The following IFT74 variants were observed in gnomAD, a reference collection of about 807,000 sequenced individuals.
IFT74 encodes intraflagellar transport protein 74 homolog.
In IFT74, 92 loss-of-function variants were observed where a neutral mutation model predicts 96.7. The observed-to-expected ratio is 0.95, with a 90% CI of 0.80 to 1.13. The LOEUF (loss-of-function observed/expected upper bound fraction) is 1.13, where lower values mean the gene tolerates loss of function less well. IFT74 is among the 50% of genes most tolerant of loss of function. IFT74 has a pLI of 0.00. For missense variants in IFT74, 811 were observed against 698.2 expected (o/e 1.16, Z -1.82); for synonymous variants, 223 against 213.2 (o/e 1.05, Z -0.40).
rs1827742725 is a variant in IFT74, at chr9:26,988,725, T to A, written c.522T>A (p.Asn174Lys). 1 of 1,533,654 alleles carries A rather than the reference T, an allele frequency of 6.5e-7. No individual in the cohort carries two copies. Among genetic ancestry groups the A allele is most frequent in the Non-Finnish European group, 8.9e-7 (1 of 1,125,476 alleles). The change falls in exon 7 of 20, where the codon AAT becomes AAA. Residue 174 changes from asparagine to lysine, a missense_variant. By Grantham distance (94) the Asn-to-Lys change is moderately conservative (BLOSUM62 0). Transcript: ENST00000380062. ...TGGAAGAAGTAATGAATGATTACAA[T>A]ATGGTAAGAAAATTTATAAAAGCAA... ...TEMEEVMNDY[N>K]MLKAQNDRET...
chr9:27,038,956 C>T (rs1487231790), intron 13 of IFT74, among the ~76,000 whole-genome samples: 1 of 152,102 alleles, frequency 6.6e-6, no homozygotes, highest in Non-Finnish European at 1.5e-5. Flanking sequence ...CAACTAAAGC[C>T]GTCTGTATTA....
upstream of IFT74, among the ~76,000 whole-genome samples, chr9:26,953,702 G>GT (rs1412376753): frequency 1.3e-5 from 2 of 149,128 alleles, no homozygotes; most frequent in Non-Finnish European, 3.0e-5. Context: ...GTAGGGGGGG[G>GT]GTCTCACTAT....
chr9:26,973,708 G>T (rs1826976392), intron 2 of IFT74, among the ~76,000 whole-genome samples: 1 of 152,064 alleles, frequency 6.6e-6, no homozygotes, highest in Non-Finnish European at 1.5e-5. Context: ...CAAGATTTTT[G>T]CCTTAAATCC....
chr9:27,060,329 A>C (rs565069103), intron 18 of IFT74, among the ~76,000 whole-genome samples: 45 of 152,230 alleles, frequency 3.0e-4, no homozygotes, highest in African/African-American at 7.2e-4. Context: ...ATTGTCTTTC[A>C]GTTGGCATGT....
rs778649742 is a variant in IFT74 at position 27,048,308 on chromosome 9, T to C, written c.1333+34T>C. The C allele has an allele frequency of 2.1e-6, 3 of 1,421,924 alleles. No homozygotes were observed. In the Admixed American group the frequency reaches 6.4e-5, roughly 30 times the overall value. The allele number at this position is 1,421,924 out of a possible 1,614,324, so 88.1% of individuals were successfully genotyped here. On this transcript the variant is annotated intron_variant, in intron 16 of 19. Transcript: ENST00000380062. ...ACAACCTAGATTTTAATATTCTTTTTTTTTAAAATATATCAATGTTATTCT... is the reference window on the plus strand; with the variant it reads ...ACAACCTAGATTTTAATATTCTTTTCTTTTAAAATATATCAATGTTATTCT...
chr9:27,062,278 A>C (rs1564012015), intron 19 of IFT74, among the ~76,000 whole-genome samples: 1 of 152,190 alleles, frequency 6.6e-6, no homozygotes. Context: ...GTGGTACTCT[A>C]GAGAACGTGG....
chr9:26,996,330 G>A (rs778748327), intron 8 of IFT74: 2 of 1,596,012 alleles, frequency 1.3e-6, no homozygotes, highest in South Asian at 1.1e-5. Flanking sequence ...TTGTTAAGTT[G>A]TTCGAAGAGC....
At position 26,969,354 on chromosome 9, in the gene IFT74, T is replaced by C. The variant is rs147943693; in HGVS notation, c.120+7267T>C. Among the ~76,000 whole-genome samples the C allele has an allele frequency of 5.1e-3, 780 of 152,112 alleles. 2 individuals are homozygous for C. The highest frequency in any genetic ancestry group is 0.027 in the Middle Eastern group (8 of 294). ...TCTTCTTGTCTTTTTTTTTAAACTG[T>C]TTTTGATTTGAAGATGTATGTATAG... is the stretch of plus-strand genomic sequence containing the variant. On this transcript the variant is annotated intron_variant, in intron 2 of 19. Transcript: ENST00000380062.
At chr9:27,013,357 A>G (rs913684181) in intron 10 of IFT74, among the ~76,000 whole-genome samples, 9 of 152,224 alleles carry the variant, frequency 5.9e-5, no homozygotes, top group African/African-American at 2.2e-4. Context: ...GGTTGTTTAT[A>G]GTTTTCCGGG....
At chr9:26,991,113 C>T (rs1312268729) in intron 8 of IFT74, among the ~76,000 whole-genome samples, 2 of 152,196 alleles carry the variant, frequency 1.3e-5, no homozygotes, top group Non-Finnish European at 2.9e-5. Flanking sequence ...AATACACTCT[C>T]TTGTTACCTC....
Position 26,948,809 on chromosome 9 carries a change from A to G in IFT74, c.-20+1663A>G, listed in dbSNP as rs140314367. Among the ~76,000 whole-genome samples, 336 of 151,582 alleles carry G rather than the reference A, an allele frequency of 2.2e-3. 1 individual carries two copies. The highest frequency in any genetic ancestry group is 7.2e-3 in the African/African-American group (299 of 41,332). On this transcript the variant is annotated intron_variant, in intron 1 of 19. Transcript: ENST00000433700. ...AGCATTACATAGGGCCTTTCACACA[A>G]TCTCCCTAATCTGTTTTACTAGATT...
chr9:27,031,122 A>C (rs1830099815), intron 13 of IFT74, among the ~76,000 whole-genome samples: 1 of 152,142 alleles, frequency 6.6e-6, no homozygotes, highest in Non-Finnish European at 1.5e-5. Context: ...CAGCCTTCCA[A>C]GTAGCCGGGA....
At chr9:26,951,970 G>T (rs1298336839), upstream of IFT74, among the ~76,000 whole-genome samples, 1 of 152,170 alleles carries the variant, frequency 6.6e-6, no homozygotes, top group Non-Finnish European at 1.5e-5. Context: ...CGTCTTGCCA[G>T]TACTGTGGAA....
intron 18 of IFT74, among the ~76,000 whole-genome samples, chr9:27,058,632 C>A (rs1820280388): frequency 6.6e-6 from 1 of 152,202 alleles, no homozygotes; most frequent in African/African-American, 2.4e-5. Context: ...AGGTCATCCA[C>A]CTGCCTCGGC....
At chr9:27,006,836 T>G (rs1367577180) in intron 8 of IFT74, among the ~76,000 whole-genome samples, 7 of 130,570 alleles carry the variant, frequency 5.4e-5, no homozygotes, top group Admixed American at 3.0e-4. Context: ...TGTGTGTTTT[T>G]TTTTTTTTTT....
intron 8 of IFT74, chr9:26,999,689 T>G: frequency 6.2e-7 from 1 of 1,607,744 alleles, no homozygotes; most frequent in Non-Finnish European, 8.5e-7. Flanking sequence ...TGCCTGTGAC[T>G]TTCATGTTGC....
At chr9:26,976,670 G>T in intron 2 of IFT74, 1 of 438,264 alleles carries the variant, frequency 2.3e-6, no homozygotes, top group South Asian at 1.6e-5. Context: ...TCAGAAAGAA[G>T]AAAAAAGGAG....
At chr9:26,948,448 A>AATT (rs1825819227) in intron 1 of IFT74, among the ~76,000 whole-genome samples, 2 of 59,162 alleles carry the variant, frequency 3.4e-5, no homozygotes, top group Non-Finnish European at 3.8e-5. Context: ...GCTTTCCATT[A>AATT]TTTTTTTTTT....
chr9:26,993,358 T>A (rs557679494), intron 8 of IFT74: 2 of 152,438 alleles, frequency 1.3e-5, no homozygotes, highest in South Asian at 4.1e-4. Flanking sequence ...CATCTCATTC[T>A]TATAATTAAG....
Sources: allele counts gnomAD v4.1 joint callset (sites outside exome capture counted in the v4.1 genomes callset), GRCh38; gene constraint gnomAD v4.1.1; transcripts MANE v1.5; gene names NCBI Gene and HGNC (gene_info 2026-07-23, HGNC 2026-07-21).